The following ITGA3 variants were observed in gnomAD, a reference collection of about 807,000 sequenced individuals.
ITGA3 encodes the protein integrin subunit alpha 3.
A neutral mutation model predicts 131.1 loss-of-function variants in ITGA3; 70 were observed. The ratio of observed to expected loss-of-function variants is 0.53; its 90% CI spans 0.44 to 0.65. The LOEUF is 0.65. Among genes scored for constraint, ITGA3 ranks in the 30% least tolerant of loss-of-function variants. The pLI is 0.00. For synonymous variants in ITGA3, 537 were observed against 571.6 expected, an observed-to-expected ratio of 0.94 and a Z score of 0.86; for missense variants, 1,098 against 1,388.6, an observed-to-expected ratio of 0.79 and a Z score of 3.33.
In ITGA3 at chr17:50,089,306, T is replaced by G. The variant is rs1909607695; in HGVS notation, c.*228T>G. ...CACCCCCTCCTCCCCCAGTGTCCCC[T>G]TTCTTCCTATTTATCATAAGTTATG... On this transcript the variant is annotated 3_prime_UTR_variant, in exon 26 of 26. Coordinates refer to ENST00000320031, the MANE Select transcript of ITGA3 (RefSeq NM_002204.4). The G allele has an allele frequency of 6.6e-7, 1 of 1,515,946 alleles. No homozygotes were observed. 93.9% of individuals were successfully genotyped at this position (1,515,946 alleles called of 1,614,324 possible). A position where few individuals can be genotyped will look rare whatever the true frequency, so the allele number is the denominator to read the frequency against.
At chr17:50,058,408 G>T (rs766484972) in intron 1 of ITGA3, among the ~76,000 whole-genome samples, 2 of 152,208 alleles carry the variant, frequency 1.3e-5, no homozygotes, top group African/African-American at 4.8e-5. Flanking sequence ...GGGCTGTAAC[G>T]AGATAAAGTG....
At chr17:50,062,395 C>T (rs575616238) in intron 1 of ITGA3, among the ~76,000 whole-genome samples, 8 of 152,268 alleles carry the variant, frequency 5.3e-5, no homozygotes, top group Non-Finnish European at 8.8e-5. Context: ...CTGTCAGGCA[C>T]GCCAGAGAGC....
intron 5 of ITGA3, 72 bp from the exon 6 acceptor site, chr17:50,071,239 G>A: frequency 1.5e-6 from 2 of 1,334,204 alleles, no homozygotes; most frequent in South Asian, 2.5e-5. Flanking sequence ...AGAGGGAATA[G>A]GGAGATGGGT....
intron 15 of ITGA3, 119 bp from the exon 16 acceptor site, chr17:50,077,260 T>C (rs557488804): frequency 1.5e-6 from 2 of 1,303,512 alleles, no homozygotes; most frequent in African/African-American, 2.9e-5. Context: ...GGCCTTAGCG[T>C]CTCTGCTGCT....
In ITGA3 at chr17:50,074,146, A is replaced by T. The variant is rs769501290; in HGVS notation, c.1248A>T (p.Val416=). Residue 416 remains valine (V), a splice_region_variant and synonymous_variant, in exon 9 of 26, where the codon GTA becomes GTT. Coordinates refer to ENST00000320031, the MANE Select transcript of ITGA3 (RefSeq NM_002204.4). ...SKGLLRQPQQ[V]IHGEKLGLPG... Reference sequence around the variant, plus strand: ...CCACCACTTTCCCCTGCCCCCAGGTAATCCATGGAGAGAAGCTGGGACTGC... The same window carrying T: ...CCACCACTTTCCCCTGCCCCCAGGTTATCCATGGAGAGAAGCTGGGACTGC... 1.2e-6 allele frequency: 2 copies of T among 1,613,234 alleles called. No individual in the cohort carries two copies. The highest frequency in any genetic ancestry group is 4.5e-5 in the East Asian group (2 of 44,850).
At position 50,079,503 on chromosome 17, in the gene ITGA3, C is replaced by G; in HGVS notation, c.2652C>G (p.Gly884=). The G allele has an allele frequency of 1.3e-6, 2 of 1,576,980 alleles. No homozygotes were observed. Among genetic ancestry groups the G allele is most frequent in the Non-Finnish European group, 1.7e-6 (2 of 1,162,670 alleles). Reference sequence around the variant, plus strand: ...AGCTGGATCCAGGGGGAGGCCAGGGCCCCCCACCTGTCACTCTGGCTGCTG... The same window carrying G: ...AGCTGGATCCAGGGGGAGGCCAGGGGCCCCCACCTGTCACTCTGGCTGCTG... The part of the protein sequence containing the change: ...RRQLDPGGGQ[G]PPPVTLAAAK... Residue 884 remains glycine (G), a synonymous_variant, in exon 21 of 26, where the codon GGC becomes GGG. Coordinates refer to ENST00000320031, the MANE Select transcript of ITGA3 (RefSeq NM_002204.4).
At position 50,079,064 on chromosome 17, in the gene ITGA3, TTGTGCCCACAGGTGGGCCCA is replaced by T. The variant is rs774339133; in HGVS notation, c.2401-11_2409del. 6.2e-7 allele frequency: 1 copy of T among 1,612,554 alleles called. No individual in the cohort carries two copies. Among genetic ancestry groups the T allele is most frequent in the Non-Finnish European group, 8.5e-7 (1 of 1,178,836 alleles). ...CAGGAGATAATGACTATGACACATC[TTGTGCCCACAGGTGGGCCCA>T]ATGGGGGAGGGGCTGGTGGGCCTGG... On this transcript the variant is annotated splice_acceptor_variant and splice_polypyrimidine_tract_variant and coding_sequence_variant and intron_variant, in exon 20 of 26. Coordinates refer to ENST00000320031, the MANE Select transcript of ITGA3 (RefSeq NM_002204.4). LOFTEE classifies it high-confidence loss of function.
chr17:50,061,567 A>T (rs1351317694), intron 1 of ITGA3, among the ~76,000 whole-genome samples: 1 of 152,080 alleles, frequency 6.6e-6, no homozygotes, highest in Non-Finnish European at 1.5e-5. Context: ...CTCCAGCCAG[A>T]TCTGAGCCCC....
Position 50,088,227 on chromosome 17 carries a change from C to A in ITGA3, c.3048C>A (p.Cys1016Ter). ...TCCCCACCTCCTCCCCTCCGCAGTG[C>A]GGCTTCTTCAAGCGAGCCCGCACTC... is the stretch of plus-strand genomic sequence containing the variant. ...LGLIILLLWK[C>*]GFFKRARTRA... Residue 1016 changes from cysteine to a stop codon, truncating the protein, a stop_gained and splice_region_variant, in exon 25 of 26, where the codon TGC becomes TGA. Transcript: ENST00000320031. LOFTEE classifies it high-confidence loss of function. 1 of 1,559,676 alleles carries A rather than the reference C, an allele frequency of 6.4e-7. No individual in the cohort carries two copies. The highest frequency in any genetic ancestry group is 8.7e-7 in the Non-Finnish European group (1 of 1,151,730).
At chr17:50,080,165 T>C in intron 21 of ITGA3, 97 bp from the exon 22 acceptor site, 1 of 695,030 alleles carries the variant, frequency 1.4e-6, no homozygotes, top group Non-Finnish European at 2.4e-6. Context: ...CACCCAGGGG[T>C]GAGACAAAGC....
Position 50,081,395 on chromosome 17 carries a change from A to G in ITGA3, c.2906A>G (p.Asn969Ser), listed in dbSNP as rs1447627958. ...AGCATCCCCACCATCAACATGGAGA[A>G]CAAGACCACGTGGGTGAGTGCGCAT... ...RTSIPTINMENKTTWFSVDID... is the reference protein window; with the variant it reads ...RTSIPTINMESKTTWFSVDID... Residue 969 changes from asparagine (N) to serine (S), a missense_variant, in exon 23 of 26, where the codon AAC (asparagine) becomes AGC (serine). By Grantham distance (46) the Asn-to-Ser change is conservative. Coordinates refer to ENST00000320031, the MANE Select transcript of ITGA3 (RefSeq NM_002204.4). 1.3e-6 allele frequency: 2 copies of G among 1,580,712 alleles called. No homozygotes were observed. The highest frequency in any genetic ancestry group is 2.3e-5 in the East Asian group (1 of 43,704).
At chr17:50,067,348 A>G (rs1908391882) in intron 3 of ITGA3, among the ~76,000 whole-genome samples, 1 of 152,216 alleles carries the variant, frequency 6.6e-6, no homozygotes, top group South Asian at 2.1e-4. Flanking sequence ...CTGAGCAGCT[A>G]AAGTGCACCC....
rs1260726964 is a variant in ITGA3, at chr17:50,088,343, GC to G, written c.*14del. ...CTGACCGACGACTACTGAGGGGGCA[GC>G]CCCCCGCCCCCGGCCCACCTGGGTA... On this transcript the variant is annotated 3_prime_UTR_variant, in exon 25 of 26. Transcript: ENST00000320031. The G allele has an allele frequency of 1.8e-5, 28 of 1,556,196 alleles. No individual in the cohort carries two copies. Among genetic ancestry groups the G allele is most frequent in the Non-Finnish European group, 2.3e-5 (27 of 1,149,922 alleles).
chr17:50,089,418 TC>T lies in ITGA3; in HGVS notation c.*341del. The T allele has an allele frequency of 1.6e-6, 1 of 643,018 alleles. No individual in the cohort carries two copies. The allele number at this position is 643,018 out of a possible 1,614,324, so 39.8% of individuals were successfully genotyped here. On this transcript the variant is annotated 3_prime_UTR_variant, in exon 26 of 26. Transcript: ENST00000320031. Reference sequence around the variant, plus strand: ...CCTCGTCAAGAGCATGCACATGCTGTCTGGCCCTGGGGATCTTCCCACAGGA... The same window carrying T: ...CCTCGTCAAGAGCATGCACATGCTGTTGGCCCTGGGGATCTTCCCACAGGA...
chr17:50,077,369 C>T lies in ITGA3; in HGVS notation c.2071-10C>T, dbSNP rs1045672931. On this transcript the variant is annotated splice_polypyrimidine_tract_variant and intron_variant, in intron 15 of 25. Coordinates refer to ENST00000320031, the MANE Select transcript of ITGA3 (RefSeq NM_002204.4). ...ACCCGACCCTGACCTTATTCGCCTTCTTTCCTCAGCCCGGGGCCTGCCAAG... is the reference window on the plus strand; with the variant it reads ...ACCCGACCCTGACCTTATTCGCCTTTTTTCCTCAGCCCGGGGCCTGCCAAG... 7 of 1,613,236 alleles carry T rather than the reference C, an allele frequency of 4.3e-6. No individual in the cohort carries two copies. The highest frequency in any genetic ancestry group is 1.6e-4 in the Middle Eastern group (1 of 6,080).
At chr17:50,084,816 G>T (rs1325037319) in intron 23 of ITGA3, among the ~76,000 whole-genome samples, 1 of 152,194 alleles carries the variant, frequency 6.6e-6, no homozygotes, top group Admixed American at 6.5e-5. Context: ...ACTGGAGGCT[G>T]AGGCAGGAGA....
rs2144327665 is a variant in ITGA3, at chr17:50,089,224, C to T, written c.*146C>T. 6.2e-7 allele frequency: 1 copy of T among 1,613,750 alleles called. No homozygotes were observed. Among genetic ancestry groups the T allele is most frequent in the East Asian group, 2.2e-5 (1 of 44,880 alleles). ...AGGGAGCACCCTGCCCACCAAGAAG[C>T]ACTGGGTGACCAGCTGGCAGACTCG... On this transcript the variant is annotated 3_prime_UTR_variant, in exon 26 of 26. Coordinates refer to ENST00000320031, the MANE Select transcript of ITGA3 (RefSeq NM_002204.4).
rs7217370 is a variant in ITGA3 at position 50,082,133 on chromosome 17, A to G, written c.2919+725A>G. Among the ~76,000 whole-genome samples the G allele has an allele frequency of 2.5e-3, 377 of 152,248 alleles. 6 individuals carry two copies. The highest frequency in any genetic ancestry group is 8.9e-3 in the African/African-American group (368 of 41,550). On this transcript the variant is annotated intron_variant, in intron 23 of 25. Coordinates refer to ENST00000320031, the MANE Select transcript of ITGA3 (RefSeq NM_002204.4). ...CTCCTGAGTAGCTGAGACTACAGCC[A>G]TGTACCACGATGCCCAGCTAATTTA...
chr17:50,083,908 G>C (rs1432399684), intron 23 of ITGA3, among the ~76,000 whole-genome samples: 2 of 151,598 alleles, frequency 1.3e-5, no homozygotes, highest in Admixed American at 6.6e-5. Context: ...ATAGCAACAA[G>C]ATTTTTCTTG....
Sources: allele counts gnomAD v4.1 joint callset (sites outside exome capture counted in the v4.1 genomes callset), GRCh38; gene constraint gnomAD v4.1.1; transcripts MANE v1.5; gene names NCBI Gene and HGNC (gene_info 2026-07-23, HGNC 2026-07-21).